NELL1: variants seen among roughly 807,000 people sequenced by gnomAD.
NELL1 encodes the protein protein kinase C-binding protein NELL1.
Under a neutral mutation model 107.4 loss-of-function variants are expected in NELL1, and 76 were observed. That is an observed-to-expected ratio of 0.71 (90% confidence interval 0.59 to 0.86). The LOEUF (loss-of-function observed/expected upper bound fraction) is 0.86. Among genes scored for constraint, NELL1 ranks in the 40% least tolerant of loss-of-function variants. NELL1 has a pLI of 0.00. For synonymous variants in NELL1, 353 were observed against 341.2 expected, an observed-to-expected ratio of 1.03 and a Z score of -0.38; for missense variants, 1,024 against 1,005.5, an observed-to-expected ratio of 1.02 and a Z score of -0.25.
intron 13 of NELL1, among the ~76,000 whole-genome samples, chr11:21,163,831 A>G (rs1422147736): frequency 6.6e-6 from 1 of 151,968 alleles, no homozygotes; most frequent in African/African-American, 2.4e-5. Context: ...ATCTAAACCT[A>G]GTTGTCTCCC....
intron 12 of NELL1, among the ~76,000 whole-genome samples, chr11:20,981,468 T>C (rs1428851546): frequency 6.6e-6 from 1 of 152,118 alleles, no homozygotes; most frequent in African/African-American, 2.4e-5. Flanking sequence ...AAATTACATA[T>C]AGGACAGTGG....
intron 2 of NELL1, among the ~76,000 whole-genome samples, chr11:20,771,103 G>C (rs767123168): frequency 6.6e-6 from 1 of 152,010 alleles, no homozygotes; most frequent in Non-Finnish European, 1.5e-5. Context: ...CCAAGTGCAG[G>C]CTTCTGCAAT....
intron 4 of NELL1, among the ~76,000 whole-genome samples, chr11:20,871,042 AAG>A (rs1253863537): frequency 1.3e-5 from 2 of 152,346 alleles, no homozygotes; most frequent in South Asian, 2.1e-4. Flanking sequence ...AGCTGAGAGA[AAG>A]AGTAAAAAAA....
intron 16 of NELL1, among the ~76,000 whole-genome samples, chr11:21,551,113 G>T (rs1856571943): frequency 6.6e-6 from 1 of 151,396 alleles, no homozygotes; most frequent in Non-Finnish European, 1.5e-5. Flanking sequence ...ATTGTGAATG[G>T]GAGTTCACTC....
At chr11:21,348,498 C>A (rs573561233) in intron 14 of NELL1, among the ~76,000 whole-genome samples, 2 of 151,878 alleles carry the variant, frequency 1.3e-5, no homozygotes, top group South Asian at 4.2e-4. Context: ...CATTCATGAG[C>A]TATATAAATT....
intron 4 of NELL1, among the ~76,000 whole-genome samples, chr11:20,861,299 A>G (rs896383853): frequency 6.6e-6 from 1 of 152,128 alleles, no homozygotes; most frequent in Non-Finnish European, 1.5e-5. Context: ...TTATTCTTCA[A>G]CTTGCGTTTT....
intron 12 of NELL1, among the ~76,000 whole-genome samples, chr11:21,034,592 A>G (rs750915103): frequency 2.0e-5 from 3 of 152,190 alleles, no homozygotes; most frequent in African/African-American, 2.4e-5. Context: ...ATACTATGAA[A>G]TTTACTCAAA....
At chr11:21,087,999 A>G (rs1565052520) in intron 12 of NELL1, among the ~76,000 whole-genome samples, 1 of 150,508 alleles carries the variant, frequency 6.6e-6, no homozygotes, top group Non-Finnish European at 1.5e-5. Context: ...TAATTCCCCA[A>G]AGCAAATTGT....
chr11:20,914,690 G>T (rs1850206895), intron 5 of NELL1, among the ~76,000 whole-genome samples: 1 of 152,014 alleles, frequency 6.6e-6, no homozygotes, highest in African/African-American at 2.4e-5. Context: ...CAGATGGTTG[G>T]GGGCTTAGAA....
chr11:20,962,402 G>A (rs867771401), intron 12 of NELL1, among the ~76,000 whole-genome samples: 17 of 151,968 alleles, frequency 1.1e-4, no homozygotes, highest in Non-Finnish European at 7.4e-5. Flanking sequence ...GATAGACGTC[G>A]AACAATTATA....
At chr11:21,416,170 C>T (rs1852515321) in intron 15 of NELL1, among the ~76,000 whole-genome samples, 1 of 152,068 alleles carries the variant, frequency 6.6e-6, no homozygotes, top group East Asian at 1.9e-4. Context: ...AGATTGTTGT[C>T]TGTTTTCCTA....
intron 13 of NELL1, among the ~76,000 whole-genome samples, chr11:21,137,469 AG>A (rs1855769199): frequency 6.6e-6 from 1 of 152,200 alleles, no homozygotes; most frequent in Admixed American, 6.5e-5. Flanking sequence ...TATTCCAAAG[AG>A]GAGAATCATT....
intron 4 of NELL1, among the ~76,000 whole-genome samples, chr11:20,868,575 A>T (rs1187617729): frequency 6.6e-6 from 1 of 152,196 alleles, no homozygotes; most frequent in Admixed American, 6.5e-5. Context: ...AATTAATGTT[A>T]TATATCAAAA....
chr11:21,025,290 A>G (rs1852790117), intron 12 of NELL1, among the ~76,000 whole-genome samples: 1 of 151,982 alleles, frequency 6.6e-6, no homozygotes, highest in African/African-American at 2.4e-5. Context: ...AACTTCACTT[A>G]ATTCTCACAA....
chr11:21,124,455 C>T (rs1855443584), intron 13 of NELL1, among the ~76,000 whole-genome samples: 2 of 152,124 alleles, frequency 1.3e-5, no homozygotes, highest in African/African-American at 4.8e-5. Flanking sequence ...ATGGTGCTGT[C>T]TTAATTCAGG....
intron 2 of NELL1, among the ~76,000 whole-genome samples, chr11:20,768,769 A>G (rs1856584029): frequency 1.3e-5 from 2 of 152,178 alleles, no homozygotes; most frequent in African/African-American, 4.8e-5. Flanking sequence ...ACCCAAGGGA[A>G]GCTGAAAAAG....
intron 14 of NELL1, among the ~76,000 whole-genome samples, chr11:21,344,665 C>T (rs905524623): frequency 1.3e-5 from 2 of 152,104 alleles, no homozygotes; most frequent in Non-Finnish European, 2.9e-5. Flanking sequence ...AAAGACTCAA[C>T]CTTCAAATTC....
chr11:21,471,421 C>A (rs891633797), intron 15 of NELL1, among the ~76,000 whole-genome samples: 2 of 151,948 alleles, frequency 1.3e-5, no homozygotes, highest in African/African-American at 2.4e-5. Context: ...TCCTAACAAG[C>A]CATCTTTTCT....
At chr11:20,744,112 T>A (rs1402676350) in intron 2 of NELL1, among the ~76,000 whole-genome samples, 2 of 152,212 alleles carry the variant, frequency 1.3e-5, no homozygotes, top group Non-Finnish European at 2.9e-5. Context: ...CACAATCTTA[T>A]TCCAAGCTAC....
Sources: allele counts gnomAD v4.1 joint callset (sites outside exome capture counted in the v4.1 genomes callset), GRCh38; gene constraint gnomAD v4.1.1; transcripts MANE v1.5; gene names NCBI Gene and HGNC (gene_info 2026-07-23, HGNC 2026-07-21).